The following CDC14A variants were observed in gnomAD, a reference collection of about 807,000 sequenced individuals.
CDC14A encodes dual specificity protein phosphatase CDC14A.
In CDC14A, 53 loss-of-function variants were observed where a neutral mutation model predicts 74.4. The ratio of observed to expected loss-of-function variants is 0.71; its 90% CI spans 0.57 to 0.89. The LOEUF (loss-of-function observed/expected upper bound fraction) is 0.89, where lower values mean the gene tolerates loss of function less well. CDC14A is among the 40% of genes least tolerant of loss of function. The pLI is 0.00. For missense variants in CDC14A, 646 were observed against 713.7 expected (o/e 0.91, Z 1.08); for synonymous variants, 247 against 258.4 (o/e 0.96, Z 0.43).
Position 100,424,305 on chromosome 1 carries a change from T to C in CDC14A, c.389+4T>C, listed in dbSNP as rs1386867469. ...ACCCCCCCTATCTTCCATTCAGGTA[T>C]AACTCCTGGTGAGACTTGGGTTAAA... On this transcript the variant is annotated splice_donor_region_variant and intron_variant, in intron 5 of 15. Coordinates refer to ENST00000336454, the MANE Select transcript of CDC14A (RefSeq NM_003672.4). The C allele has an allele frequency of 1.9e-6, 3 of 1,609,218 alleles. No individual in the cohort carries two copies. The highest frequency in any genetic ancestry group is 2.6e-6 in the Non-Finnish European group (3 of 1,175,586).
Position 100,462,720 on chromosome 1 carries a change from G to A in CDC14A, c.677G>A (p.Arg226Lys). 6.2e-7 allele frequency: 1 copy of A among 1,614,156 alleles called. No individual in the cohort carries two copies. Among genetic ancestry groups the A allele is most frequent in the South Asian group, 1.1e-5 (1 of 91,090 alleles). ...AAGCATAATGTGACTGCAGTTGTGAGGCTAAACAAAAAGATTTATGAGGCA... is the reference window on the plus strand; with the variant it reads ...AAGCATAATGTGACTGCAGTTGTGAAGCTAAACAAAAAGATTTATGAGGCA... ...FKKHNVTAVV[R>K]LNKKIYEAKR... is the part of the protein sequence containing the mutation. Residue 226 changes from arginine to lysine, a missense_variant, in exon 9 of 16, where the codon AGG becomes AAG. Coordinates refer to ENST00000336454, the MANE Select transcript of CDC14A (RefSeq NM_003672.4).
chr1:100,388,337 A>G (rs1003050840), intron 3 of CDC14A, among the ~76,000 whole-genome samples: 3 of 152,228 alleles, frequency 2.0e-5, no homozygotes, highest in Non-Finnish European at 2.9e-5. Context: ...CCAACAGACA[A>G]TGAGACAATG....
intron 4 of CDC14A, among the ~76,000 whole-genome samples, chr1:100,413,866 A>G (rs1661187037): frequency 1.3e-5 from 2 of 152,220 alleles, no homozygotes; most frequent in Non-Finnish European, 1.5e-5. Context: ...TTAAGTACCA[A>G]TCAAAACATT....
chr1:100,384,367 A>T (rs1009784847), intron 3 of CDC14A, among the ~76,000 whole-genome samples: 1 of 152,142 alleles, frequency 6.6e-6, no homozygotes, highest in East Asian at 1.9e-4. Context: ...TCCACCTTTT[A>T]TCTACTATAT....
intron 15 of CDC14A, among the ~76,000 whole-genome samples, chr1:100,513,837 CTTTGT>C (rs1424946756): frequency 1.3e-5 from 2 of 152,070 alleles, no homozygotes; most frequent in Non-Finnish European, 2.9e-5. Context: ...TTACCTAACA[CTTTGT>C]TTTATGTCAA....
At chr1:100,441,970 A>G (rs1664979284) in intron 6 of CDC14A, among the ~76,000 whole-genome samples, 1 of 152,028 alleles carries the variant, frequency 6.6e-6, no homozygotes, top group African/African-American at 2.4e-5. Context: ...TAATGACTTG[A>G]TCATGTAACT....
At chr1:100,377,284 C>T (rs1655404295) in intron 2 of CDC14A, among the ~76,000 whole-genome samples, 1 of 152,158 alleles carries the variant, frequency 6.6e-6, no homozygotes, top group Non-Finnish European at 1.5e-5. Flanking sequence ...AGGCAGTCTG[C>T]CTGCCCCAGC....
At chr1:100,347,878 A>G (rs986842720), upstream of CDC14A, among the ~76,000 whole-genome samples, 3 of 152,224 alleles carry the variant, frequency 2.0e-5, no homozygotes, top group African/African-American at 7.2e-5. Context: ...TTCTAATGAT[A>G]CATTCTAATA....
In CDC14A at chr1:100,443,130, T is replaced by C. The variant is rs1665155208; in HGVS notation, c.519+134T>C. 5 of 629,000 alleles carry C rather than the reference T, an allele frequency of 7.9e-6. No individual in the cohort carries two copies. The South Asian group carries it at 1.0e-4, about 13-fold the overall frequency. The allele number at this position is 629,000 out of a possible 1,614,324, so 39.0% of individuals were successfully genotyped here. A position where few individuals can be genotyped will look rare whatever the true frequency, so the allele number is the denominator to read the frequency against. On this transcript the variant is annotated intron_variant, in intron 7 of 15. Transcript: ENST00000336454. Reference sequence around the variant, plus strand: ...TGGAGTTTTCCATAGTGGTCAGTTTTGTCCTTTCAGCCTTGGTTATTTCCT... The same window carrying C: ...TGGAGTTTTCCATAGTGGTCAGTTTCGTCCTTTCAGCCTTGGTTATTTCCT...
chr1:100,387,783 A>G (rs568618988), intron 3 of CDC14A, among the ~76,000 whole-genome samples: 2 of 152,272 alleles, frequency 1.3e-5, no homozygotes, highest in South Asian at 4.1e-4. Flanking sequence ...ATGTTCCAGG[A>G]TAAGTCTCTG....
rs534241953 is a variant in CDC14A, at chr1:100,454,365, G to A, written c.520-1040G>A. On this transcript the variant is annotated intron_variant, in intron 7 of 15. Coordinates refer to ENST00000336454, the MANE Select transcript of CDC14A (RefSeq NM_003672.4). ...GGAGGGCAAGGGTAGGGGTAGGTGG[G>A]GAGGGGGTGGTGGTGGTAAAGACAG... Among the ~76,000 whole-genome samples the A allele has an allele frequency of 2.2e-4, 33 of 152,206 alleles. No homozygotes were observed. The East Asian group carries it at 6.4e-3, about 29-fold the overall frequency.
chr1:100,444,956 A>G (rs186747161), intron 7 of CDC14A, among the ~76,000 whole-genome samples: 26 of 152,332 alleles, frequency 1.7e-4, no homozygotes, highest in African/African-American at 6.3e-4. Context: ...TTTTAATACC[A>G]TAAAAGCATT....
At chr1:100,445,014 A>G (rs1665380186) in intron 7 of CDC14A, among the ~76,000 whole-genome samples, 2 of 152,212 alleles carry the variant, frequency 1.3e-5, no homozygotes, top group South Asian at 4.1e-4. Flanking sequence ...CAAGTTAGAA[A>G]CAAAGGGAAT....
chr1:100,425,141 G>A (rs1052799187), intron 5 of CDC14A, among the ~76,000 whole-genome samples: 4 of 152,102 alleles, frequency 2.6e-5, no homozygotes, highest in Non-Finnish European at 4.4e-5. Flanking sequence ...ACACTCCAGC[G>A]TGGGTGACAG....
At chr1:100,471,464 A>G (rs552106262) in intron 10 of CDC14A, among the ~76,000 whole-genome samples, 8 of 152,310 alleles carry the variant, frequency 5.3e-5, no homozygotes, top group African/African-American at 1.9e-4. Context: ...GAGATGTGCA[A>G]TATCTCTACA....
chr1:100,396,719 C>T (rs1658549524), intron 4 of CDC14A, among the ~76,000 whole-genome samples: 1 of 152,152 alleles, frequency 6.6e-6, no homozygotes, highest in Admixed American at 6.5e-5. Flanking sequence ...CTGTCTTAAC[C>T]ATTTTAAAAT....
intron 15 of CDC14A, chr1:100,504,965 A>T (rs1649105875): frequency 2.0e-6 from 3 of 1,502,126 alleles, no homozygotes; most frequent in South Asian, 1.2e-5. Context: ...TATAATTAAT[A>T]CTTTATTTTA....
chr1:100,430,936 T>C (rs1663581764), intron 5 of CDC14A, among the ~76,000 whole-genome samples: 1 of 152,216 alleles, frequency 6.6e-6, no homozygotes, highest in Non-Finnish European at 1.5e-5. Flanking sequence ...TAGTAAACTT[T>C]TGCTTTTGGT....
chr1:100,471,775 C>T (rs189372081), intron 10 of CDC14A, among the ~76,000 whole-genome samples: 1 of 152,186 alleles, frequency 6.6e-6, no homozygotes, highest in African/African-American at 2.4e-5. Context: ...GCTGGGTCAA[C>T]TGGATATCTA....
Sources: allele counts gnomAD v4.1 joint callset (sites outside exome capture counted in the v4.1 genomes callset), GRCh38; gene constraint gnomAD v4.1.1; transcripts MANE v1.5; gene names NCBI Gene and HGNC (gene_info 2026-07-23, HGNC 2026-07-21).